Variants in RABGAP1L observed in about 807,000 individuals in gnomAD.
RABGAP1L encodes rab GTPase-activating protein 1-like.
A neutral mutation model predicts 137.7 loss-of-function variants in RABGAP1L; 63 were observed. The observed-to-expected ratio is 0.46, with a 90% confidence interval of 0.37 to 0.56. The LOEUF is 0.56. Ranked by LOEUF, RABGAP1L falls within the 20% of genes least tolerant of loss-of-function variation. RABGAP1L has a pLI of 0.00. For synonymous variants in RABGAP1L, 431 were observed against 433.7 expected, an observed-to-expected ratio of 0.99 and a Z score of 0.08; for missense variants, 1,095 against 1,244.0, an observed-to-expected ratio of 0.88 and a Z score of 1.80.
intron 17 of RABGAP1L, 144 bp from the exon 18 acceptor site, chr1:174,752,169 T>TA (rs978881867): frequency 1.4e-3 from 857 of 611,874 alleles, no homozygotes; most frequent in South Asian, 1.8e-3. Context: ...AAAATACCTT[T>TA]AAAAAAAAAC....
At chr1:174,352,170 G>T (rs1368071194) in intron 11 of RABGAP1L, among the ~76,000 whole-genome samples, 1 of 152,038 alleles carries the variant, frequency 6.6e-6, no homozygotes, top group Non-Finnish European at 1.5e-5. Context: ...CTCTCTCTCT[G>T]CCTCCTCTTT....
intron 10 of RABGAP1L, among the ~76,000 whole-genome samples, chr1:174,290,840 C>T (rs1396939233): frequency 2.6e-5 from 4 of 151,578 alleles, no homozygotes; most frequent in Non-Finnish European, 5.9e-5. Context: ...CGGCTCACTG[C>T]AGCCTCTGCC....
chr1:174,692,010 A>G (rs1041545657), intron 15 of RABGAP1L, among the ~76,000 whole-genome samples: 4 of 152,188 alleles, frequency 2.6e-5, no homozygotes, highest in African/African-American at 9.7e-5. Context: ...TTTTATATTT[A>G]GCATTTGGAA....
At chr1:174,233,924 C>T (rs1383968488) in intron 4 of RABGAP1L, among the ~76,000 whole-genome samples, 2 of 122,220 alleles carry the variant, frequency 1.6e-5, no homozygotes, top group Non-Finnish European at 1.6e-5. Context: ...CTCTCCAGCA[C>T]CTGTTGTTTC....
intron 18 of RABGAP1L, chr1:174,800,075 G>A (rs1484976466): frequency 7.9e-7 from 1 of 1,262,726 alleles, no homozygotes; most frequent in Non-Finnish European, 1.0e-6. Context: ...CCATTTTCTC[G>A]CATTCGATTG....
At chr1:174,533,518 C>G (rs144485831) in intron 13 of RABGAP1L, among the ~76,000 whole-genome samples, 6 of 152,078 alleles carry the variant, frequency 3.9e-5, no homozygotes, top group Admixed American at 3.3e-4. Flanking sequence ...AAGACGATGA[C>G]GATGAAGACT....
chr1:174,878,925 GTTTT>G (rs869251284), intron 19 of RABGAP1L, among the ~76,000 whole-genome samples: 11 of 85,148 alleles, frequency 1.3e-4, no homozygotes, highest in Admixed American at 2.9e-4. Context: ...TTTGTGCATT[GTTTT>G]TTTTTTTTTT....
At position 174,372,654 on chromosome 1, in the gene RABGAP1L, C is replaced by G. The variant is rs559529862; in HGVS notation, c.1559+1582C>G. Among the ~76,000 whole-genome samples the G allele has an allele frequency of 7.2e-5, 11 of 152,166 alleles. 1 individual carries two copies. In the South Asian group the frequency reaches 2.3e-3, roughly 32 times the overall value. ...GAACAGAAGTTGTAACCATATGTGA[C>G]TCAGATAACAGTCACGTCTCTCTCA... On this transcript the variant is annotated intron_variant, in intron 12 of 25. Coordinates refer to ENST00000681986, the MANE Select transcript of RABGAP1L (RefSeq NM_001366446.1).
chr1:174,181,340 CT>C (rs1179097330), intron 1 of RABGAP1L, among the ~76,000 whole-genome samples: 257 of 138,896 alleles, frequency 1.9e-3, no homozygotes, highest in African/African-American at 2.8e-3. Context: ...TTCTTTTTTT[CT>C]TTTTTTTTTT....
intron 17 of RABGAP1L, among the ~76,000 whole-genome samples, chr1:174,703,569 T>G (rs1230963179): frequency 6.6e-6 from 1 of 152,244 alleles, no homozygotes; most frequent in Non-Finnish European, 1.5e-5. Flanking sequence ...GAATCTTTTT[T>G]TATACACTGA....
intron 11 of RABGAP1L, among the ~76,000 whole-genome samples, chr1:174,310,521 A>G (rs1374244613): frequency 6.6e-6 from 1 of 152,126 alleles, no homozygotes; most frequent in Non-Finnish European, 1.5e-5. Flanking sequence ...TGATCTGTCC[A>G]TTGCTGAAAG....
chr1:174,697,643 C>T (rs1679365626), intron 15 of RABGAP1L, among the ~76,000 whole-genome samples: 1 of 152,130 alleles, frequency 6.6e-6, no homozygotes, highest in Non-Finnish European at 1.5e-5. Flanking sequence ...TTACATGCAG[C>T]TATTTTGTAT....
rs1242317835 is a variant in RABGAP1L at position 174,733,945 on chromosome 1, T to A, written c.2170-18368T>A. Among the ~76,000 whole-genome samples the A allele has an allele frequency of 2.0e-5, 3 of 152,212 alleles. No homozygotes were observed. In the East Asian group the frequency reaches 5.8e-4, roughly 29 times the overall value. ...TGGGAGCAGTGGGAATGGTAGGAAGTAGTTGAATTTGGGATATGTTTACCA... is the reference window on the plus strand; with the variant it reads ...TGGGAGCAGTGGGAATGGTAGGAAGAAGTTGAATTTGGGATATGTTTACCA... On this transcript the variant is annotated intron_variant, in intron 17 of 25. Coordinates refer to ENST00000681986, the MANE Select transcript of RABGAP1L (RefSeq NM_001366446.1).
At chr1:174,358,958 G>A (rs545980793) in intron 11 of RABGAP1L, among the ~76,000 whole-genome samples, 15 of 152,282 alleles carry the variant, frequency 9.9e-5, no homozygotes, top group Admixed American at 9.8e-4. Context: ...GACGTGCTAA[G>A]TGCTATGATG....
intron 13 of RABGAP1L, among the ~76,000 whole-genome samples, chr1:174,598,991 CTCCCTTTCTCTCTCCT>C (rs1366887791): frequency 3.3e-5 from 5 of 151,984 alleles, no homozygotes; most frequent in African/African-American, 1.2e-4. Flanking sequence ...CCCTCCCTCC[CTCCCTTTCTCTCTCCT>C]TCCCTTCCTT....
intron 12 of RABGAP1L, among the ~76,000 whole-genome samples, chr1:174,390,595 G>A (rs1339890867): frequency 1.3e-5 from 2 of 152,146 alleles, no homozygotes; most frequent in African/African-American, 4.8e-5. Flanking sequence ...TACAATGTTG[G>A]AAATATGTTA....
intron 17 of RABGAP1L, among the ~76,000 whole-genome samples, chr1:174,743,338 G>A (rs188354353): frequency 7.2e-5 from 11 of 152,212 alleles, no homozygotes; most frequent in Non-Finnish European, 1.3e-4. Context: ...AGACCTGAAG[G>A]TCCTTTGTTG....
In RABGAP1L at chr1:174,241,495, A is replaced by T. The variant is rs200126832; in HGVS notation, c.555A>T (p.Gln185His). ...TACTGTTCTACAGAATTATAGACCA[A>T]TCCAGCAATGTGGAGATAGCATCTT... The part of the protein sequence containing the change: ...VPEGSVRIID[Q>H]SSNVEIASFP... Residue 185 changes from glutamine to histidine, a missense_variant, in exon 5 of 26, where the codon CAA (glutamine) becomes CAT (histidine). Gln to His is a conservative substitution (Grantham distance 24, BLOSUM62 0). Coordinates refer to ENST00000681986, the MANE Select transcript of RABGAP1L (RefSeq NM_001366446.1). 5 of 1,597,192 alleles carry T rather than the reference A, an allele frequency of 3.1e-6. No individual in the cohort carries two copies. Among genetic ancestry groups the T allele is most frequent in the Non-Finnish European group, 4.3e-6 (5 of 1,171,640 alleles).
At chr1:174,714,839 A>G (rs556219560) in intron 17 of RABGAP1L, among the ~76,000 whole-genome samples, 2 of 152,240 alleles carry the variant, frequency 1.3e-5, no homozygotes, top group South Asian at 4.2e-4. Flanking sequence ...GGCCTAAAAG[A>G]TCTCTAAGTA....
Sources: allele counts gnomAD v4.1 joint callset (sites outside exome capture counted in the v4.1 genomes callset), GRCh38; gene constraint gnomAD v4.1.1; transcripts MANE v1.5; gene names NCBI Gene and HGNC (gene_info 2026-07-23, HGNC 2026-07-21).